PPFIA2: variants seen among roughly 807,000 people sequenced by gnomAD.
The protein encoded by PPFIA2 is liprin-alpha-2.
In PPFIA2, 46 loss-of-function variants were observed where a neutral mutation model predicts 175.5. That is an observed-to-expected ratio of 0.26 (90% CI 0.21 to 0.34). The LOEUF (loss-of-function observed/expected upper bound fraction) is 0.34. Among genes scored for constraint, PPFIA2 ranks in the 10% least tolerant of loss-of-function variants. The pLI is 1.00. For synonymous variants in PPFIA2, 568 were observed against 511.4 expected (o/e 1.11, Z -1.49); for missense variants, 1,179 against 1,506.1 (o/e 0.78, Z 3.60).
intron 4 of PPFIA2, among the ~76,000 whole-genome samples, chr12:81,609,582 T>A (rs752935615): frequency 2.4e-4 from 36 of 152,210 alleles, no homozygotes; most frequent in Non-Finnish European, 4.0e-4. Flanking sequence ...TCATCTGATA[T>A]AGAAATAGGG....
chr12:81,724,942 A>G (rs1480296002), intron 3 of PPFIA2, among the ~76,000 whole-genome samples: 2 of 151,066 alleles, frequency 1.3e-5, no homozygotes, highest in Non-Finnish European at 3.0e-5. Flanking sequence ...TTACATTCCC[A>G]TGAACAGTGT....
At chr12:81,393,635 T>C (rs1436124099) in intron 8 of PPFIA2, among the ~76,000 whole-genome samples, 10 of 152,042 alleles carry the variant, frequency 6.6e-5, no homozygotes, top group Admixed American at 6.6e-4. Context: ...TGAAGTTCAA[T>C]GTTTTTCTTA....
chr12:81,370,232 A>G (rs2034713781), intron 11 of PPFIA2, among the ~76,000 whole-genome samples: 1 of 151,804 alleles, frequency 6.6e-6, no homozygotes, highest in Non-Finnish European at 1.5e-5. Context: ...TAAAAAAACT[A>G]AGCCTGGGGG....
intron 4 of PPFIA2, among the ~76,000 whole-genome samples, chr12:81,660,885 C>A (rs995120766): frequency 4.6e-5 from 7 of 152,004 alleles, no homozygotes; most frequent in Admixed American, 3.3e-4. Flanking sequence ...AGAGTGGGGG[C>A]CAATATTCAA....
chr12:81,398,216 G>C (rs2041500781), intron 8 of PPFIA2, among the ~76,000 whole-genome samples: 1 of 151,960 alleles, frequency 6.6e-6, no homozygotes, highest in African/African-American at 2.4e-5. Flanking sequence ...AAAAGAAAAT[G>C]ATGGCAAAGG....
At chr12:81,609,036 C>T (rs1409767309) in intron 4 of PPFIA2, among the ~76,000 whole-genome samples, 1 of 151,794 alleles carries the variant, frequency 6.6e-6, no homozygotes, top group Non-Finnish European at 1.5e-5. Context: ...TTTTAATGTT[C>T]ACCCAGGGAT....
In PPFIA2 at chr12:81,453,085, G is replaced by A. The variant is rs956325674; in HGVS notation, c.405+4680C>T. ...ATGTATACATGTGCCATGCTGGTGC[G>A]CTGCACCCACTAACTCGTCATCTAG... On this transcript the variant is annotated intron_variant, in intron 5 of 32. Transcript: ENST00000549396. Among the ~76,000 whole-genome samples, 207 of 150,472 alleles carry A rather than the reference G, an allele frequency of 1.4e-3. 1 individual carries two copies. The highest frequency in any genetic ancestry group is 4.4e-3 in the African/African-American group (181 of 40,962).
intron 3 of PPFIA2, among the ~76,000 whole-genome samples, chr12:81,697,245 T>C (rs2153596990): frequency 6.6e-6 from 1 of 152,258 alleles, no homozygotes; most frequent in African/African-American, 2.4e-5. Flanking sequence ...GACATATTTC[T>C]CAGTAAATCT....
At chr12:81,283,071 C>T (rs2042435688) in intron 25 of PPFIA2, 32 bp from the exon 26 acceptor site, 2 of 1,606,550 alleles carry the variant, frequency 1.2e-6, no homozygotes, top group Non-Finnish European at 1.7e-6. Context: ...ATTAATAAAG[C>T]AGGTAAATAT....
intron 4 of PPFIA2, among the ~76,000 whole-genome samples, chr12:81,676,060 A>G (rs764170912): frequency 1.6e-4 from 24 of 152,202 alleles, no homozygotes; most frequent in Admixed American, 5.9e-4. Flanking sequence ...CTAAAAAGTG[A>G]TAACACTGAG....
intron 4 of PPFIA2, among the ~76,000 whole-genome samples, chr12:81,651,387 C>T (rs1032269233): frequency 6.6e-6 from 1 of 152,044 alleles, no homozygotes; most frequent in African/African-American, 2.4e-5. Context: ...CAGGCAGAAA[C>T]ATTAACAAAA....
At chr12:81,471,417 G>T (rs1448723078) in intron 4 of PPFIA2, 1 of 149,746 alleles carries the variant, frequency 6.7e-6, no homozygotes, top group African/African-American at 2.4e-5. Flanking sequence ...TGCTGCTTCA[G>T]CCTCCCAAAG....
intron 5 of PPFIA2, among the ~76,000 whole-genome samples, chr12:81,455,081 AC>A (rs1039173322): frequency 2.0e-5 from 3 of 152,204 alleles, no homozygotes; most frequent in African/African-American, 7.2e-5. Context: ...TGAGAAGGAA[AC>A]ACTAGCTTGT....
At chr12:81,473,257 A>C (rs2057009246) in intron 4 of PPFIA2, among the ~76,000 whole-genome samples, 1 of 152,012 alleles carries the variant, frequency 6.6e-6, no homozygotes, top group South Asian at 2.1e-4. Context: ...AAAATACAAA[A>C]ATTAGCTGGG....
intron 4 of PPFIA2, among the ~76,000 whole-genome samples, chr12:81,611,509 A>G (rs1033256910): frequency 6.6e-6 from 1 of 152,006 alleles, no homozygotes; most frequent in African/African-American, 2.4e-5. Flanking sequence ...TCTGGAAAGT[A>G]CTCATATACA....
intron 24 of PPFIA2, 148 bp from the exon 25 acceptor site, chr12:81,284,451 C>T (rs1313134229): frequency 1.7e-6 from 1 of 593,054 alleles, no homozygotes; most frequent in South Asian, 2.2e-5. Context: ...GACAGCATGG[C>T]TGGTTTGCTC....
intron 4 of PPFIA2, among the ~76,000 whole-genome samples, chr12:81,562,987 T>C (rs2070507987): frequency 1.3e-5 from 2 of 152,022 alleles, no homozygotes; most frequent in Non-Finnish European, 2.9e-5. Context: ...TTGCAAGTCA[T>C]TGCCAATGTC....
chr12:81,555,575 A>G (rs1230224778), intron 4 of PPFIA2, among the ~76,000 whole-genome samples: 1 of 152,030 alleles, frequency 6.6e-6, no homozygotes, highest in African/African-American at 2.4e-5. Context: ...GACTTTCATG[A>G]GGAGAAAAGA....
intron 21 of PPFIA2, among the ~76,000 whole-genome samples, chr12:81,338,650 C>T (rs934240118): frequency 6.6e-6 from 1 of 151,736 alleles, no homozygotes; most frequent in African/African-American, 2.4e-5. Context: ...TATTATAAAG[C>T]TTTATTCTAA....
Sources: allele counts gnomAD v4.1 joint callset (sites outside exome capture counted in the v4.1 genomes callset), GRCh38; gene constraint gnomAD v4.1.1; transcripts MANE v1.5; gene names NCBI Gene and HGNC (gene_info 2026-07-23, HGNC 2026-07-21).